SAMMSON: variants seen among roughly 807,000 people sequenced by gnomAD.
The protein encoded by SAMMSON is long intergenic non-protein coding RNA 1212.
At chr3:70,187,764 C>G (rs1037127962) in intron 4 of SAMMSON, among the ~76,000 whole-genome samples, 5 of 152,066 alleles carry the variant, frequency 3.3e-5, no homozygotes, top group African/African-American at 1.2e-4. Context: ...GGCACCTCAC[C>G]CATATGTAGT....
chr3:70,299,070 C>T (rs1028307625), intron 7 of SAMMSON, among the ~76,000 whole-genome samples: 1 of 151,934 alleles, frequency 6.6e-6, no homozygotes, highest in African/African-American at 2.4e-5. Context: ...TAAGGAGATA[C>T]CAAAACATAT....
intron 9 of SAMMSON, among the ~76,000 whole-genome samples, chr3:70,363,743 G>A (rs1175022754): frequency 3.3e-5 from 5 of 151,614 alleles, no homozygotes; most frequent in Admixed American, 1.3e-4. Context: ...ACCCTCATTA[G>A]CATGTGTGAT....
At chr3:70,314,858 T>G (rs1368264476) in intron 7 of SAMMSON, among the ~76,000 whole-genome samples, 1 of 152,136 alleles carries the variant, frequency 6.6e-6, no homozygotes, top group African/African-American at 2.4e-5. Context: ...AGGTTCATTT[T>G]GAAGGCTTTC....
intron 4 of SAMMSON, among the ~76,000 whole-genome samples, chr3:70,230,554 G>A (rs1021915263): frequency 3.0e-4 from 46 of 151,950 alleles, no homozygotes; most frequent in African/African-American, 1.1e-3. Flanking sequence ...TTGAATAATG[G>A]AACTCTCTCT....
At chr3:70,032,991 G>A (rs564056413) in intron 3 of SAMMSON, among the ~76,000 whole-genome samples, 4 of 152,248 alleles carry the variant, frequency 2.6e-5, no homozygotes, top group Admixed American at 1.3e-4. Context: ...CTGAGAGTGT[G>A]AGCTGTGCCT....
At chr3:70,353,769 A>C (rs945336160) in intron 7 of SAMMSON, among the ~76,000 whole-genome samples, 2 of 152,234 alleles carry the variant, frequency 1.3e-5, no homozygotes, top group Admixed American at 1.3e-4. Flanking sequence ...CCTGTGCATA[A>C]ATGTTTATAG....
chr3:70,161,810 C>A (rs2067616687), intron 4 of SAMMSON, among the ~76,000 whole-genome samples: 2 of 151,736 alleles, frequency 1.3e-5, no homozygotes, highest in Admixed American at 1.3e-4. Flanking sequence ...GCTCTTCTTT[C>A]TGGCAATTAA....
At chr3:70,244,959 A>T (rs897854282) in intron 4 of SAMMSON, among the ~76,000 whole-genome samples, 1 of 152,132 alleles carries the variant, frequency 6.6e-6, no homozygotes. Flanking sequence ...TATATATATA[A>T]AAATCATACT....
At chr3:70,366,478 G>A (rs1018799035) in intron 9 of SAMMSON, among the ~76,000 whole-genome samples, 5 of 108,556 alleles carry the variant, frequency 4.6e-5, no homozygotes, top group East Asian at 2.6e-4. Flanking sequence ...GTTTTGTTTC[G>A]TTTGTGTTTT....
intron 4 of SAMMSON, among the ~76,000 whole-genome samples, chr3:70,231,690 C>T (rs1440244805): frequency 2.0e-5 from 3 of 152,010 alleles, no homozygotes; most frequent in Non-Finnish European, 2.9e-5. Flanking sequence ...AAGCCACACA[C>T]GCAGAGAGAC....
chr3:70,315,255 C>T (rs887881982), intron 7 of SAMMSON, among the ~76,000 whole-genome samples: 2 of 152,078 alleles, frequency 1.3e-5, no homozygotes, highest in Non-Finnish European at 2.9e-5. Context: ...TTTTCTTTAT[C>T]ATTTTTCTCT....
At chr3:70,245,694 T>C (rs900630789) in intron 4 of SAMMSON, among the ~76,000 whole-genome samples, 4 of 137,434 alleles carry the variant, frequency 2.9e-5, no homozygotes. Context: ...TATATATATA[T>C]ATATATATAT....
At chr3:70,181,870 A>G (rs772831866) in intron 4 of SAMMSON, among the ~76,000 whole-genome samples, 48 of 152,150 alleles carry the variant, frequency 3.2e-4, no homozygotes, top group Non-Finnish European at 6.0e-4. Flanking sequence ...TCAACGTGCA[A>G]ATTATTTCCT....
chr3:70,256,384 A>T (rs1316411841), intron 6 of SAMMSON, among the ~76,000 whole-genome samples: 1 of 152,190 alleles, frequency 6.6e-6, no homozygotes, highest in Non-Finnish European at 1.5e-5. Flanking sequence ...AATCTCTAAG[A>T]TTCCTTTAAA....
chr3:70,243,654 G>A lies in SAMMSON; in HGVS notation n.508-5453G>A, dbSNP rs189282358. On this transcript the variant is annotated intron_variant and non_coding_transcript_variant, in intron 4 of 9. Transcript: ENST00000642114. ...CAGCGTCCCTAGCCTCTACCCACTC[G>A]ATGCCAGCAGCACCTTCTCCAACGT... Among the ~76,000 whole-genome samples the A allele has an allele frequency of 1.1e-3, 169 of 152,234 alleles. No homozygotes were observed. The Middle Eastern group carries it at 0.017, about 15-fold the overall frequency.
chr3:70,124,814 C>CAAAAAAAAAAAAAA (rs1208323683), intron 4 of SAMMSON, among the ~76,000 whole-genome samples: 7 of 53,700 alleles, frequency 1.3e-4, no homozygotes, highest in Non-Finnish European at 1.7e-4. Context: ...GACTCCATCT[C>CAAAAAAAAAAAAAA]AAAAAAAAAA....
chr3:70,099,731 C>T (rs760539336), intron 4 of SAMMSON, among the ~76,000 whole-genome samples: 1 of 152,192 alleles, frequency 6.6e-6, no homozygotes, highest in African/African-American at 2.4e-5. Flanking sequence ...TAAGTTTTGG[C>T]AAATACGTCT....
intron 4 of SAMMSON, among the ~76,000 whole-genome samples, chr3:70,157,481 G>A (rs1477674933): frequency 6.6e-6 from 1 of 152,050 alleles, no homozygotes; most frequent in Non-Finnish European, 1.5e-5. Context: ...ATTTGCAAGA[G>A]TTTAGGAGAG....
intron 4 of SAMMSON, among the ~76,000 whole-genome samples, chr3:70,165,981 C>A (rs2067635367): frequency 6.6e-6 from 1 of 151,922 alleles, no homozygotes; most frequent in South Asian, 2.1e-4. Context: ...ACATTTAATT[C>A]CTCTGAGCCT....
Sources: allele counts gnomAD v4.1 joint callset (sites outside exome capture counted in the v4.1 genomes callset), GRCh38; gene constraint gnomAD v4.1.1; transcripts MANE v1.5; gene names NCBI Gene and HGNC (gene_info 2026-07-23, HGNC 2026-07-21).